Variants in SPECC1 observed in about 807,000 individuals in gnomAD.
SPECC1 encodes the protein cytospin-B.
In SPECC1, 62 loss-of-function variants were observed where a neutral mutation model predicts 104.1. That is an observed-to-expected ratio of 0.60 (90% CI 0.49 to 0.74). SPECC1 has a LOEUF of 0.74. Ranked by LOEUF, SPECC1 falls within the 30% of genes least tolerant of loss-of-function variation. The probability of loss-of-function intolerance (pLI) is 0.00; values close to 1 mark genes in which losing one functional copy is unlikely to be tolerated. For synonymous variants in SPECC1, 513 were observed against 501.6 expected (o/e 1.02, Z -0.30); for missense variants, 1,306 against 1,310.5 (o/e 1.00, Z 0.05).
At chr17:20,106,328 C>G (rs1213450071) in intron 2 of SPECC1, among the ~76,000 whole-genome samples, 2 of 152,068 alleles carry the variant, frequency 1.3e-5, no homozygotes, top group African/African-American at 2.4e-5. Context: ...TACAGGTGAC[C>G]TGATGGATGG....
chr17:20,086,354 C>CACAG (rs748603057), intron 1 of SPECC1, among the ~76,000 whole-genome samples: 1 of 152,182 alleles, frequency 6.6e-6, no homozygotes, highest in African/African-American at 2.4e-5. Context: ...CCTTCACTTC[C>CACAG]ACAGACAGAC....
chr17:20,132,554 G>C (rs1460981100), intron 3 of SPECC1, among the ~76,000 whole-genome samples: 1 of 146,070 alleles, frequency 6.8e-6, no homozygotes, highest in East Asian at 2.0e-4. Flanking sequence ...TTTTTTTTTG[G>C]CTTTTTTTTT....
rs1262343319 is a variant in SPECC1, at chr17:20,204,370, C to T, written c.321C>T (p.Ala107=). 2 of 1,613,518 alleles carry T rather than the reference C, an allele frequency of 1.2e-6. No individual in the cohort carries two copies. The highest frequency in any genetic ancestry group is 2.7e-5 in the African/African-American group (2 of 74,862). The stretch of plus-strand genomic sequence containing the variant: ...CAACTAAACGGACAGGCATTCCAGC[C>T]CCACGGGAATTTTCAGTAACTGTCT... ...FTTTKRTGIP[A]PREFSVTVSR... is the part of the protein sequence containing the mutation. The change falls in exon 4 of 15, where the codon GCC becomes GCT. Residue 107 remains alanine, a synonymous_variant. Transcript: ENST00000395527.
chr17:20,265,577 G>A (rs1006876943), intron 12 of SPECC1, among the ~76,000 whole-genome samples: 5 of 152,130 alleles, frequency 3.3e-5, no homozygotes, highest in African/African-American at 1.2e-4. Context: ...CTTTTGCTGT[G>A]AAGGAACTCT....
intron 1 of SPECC1, among the ~76,000 whole-genome samples, chr17:20,079,422 C>T (rs2046882027): frequency 6.6e-6 from 1 of 152,150 alleles, no homozygotes. Context: ...ACTTCAGCCT[C>T]CTGAGTAGCT....
chr17:20,249,175 T>C (rs2039531421), intron 9 of SPECC1, among the ~76,000 whole-genome samples: 1 of 152,074 alleles, frequency 6.6e-6, no homozygotes, highest in African/African-American at 2.4e-5. Context: ...ATCCTAGCAT[T>C]TTGGGAGGCC....
chr17:20,294,083 G>A (rs1277973066), intron 12 of SPECC1, among the ~76,000 whole-genome samples: 2 of 152,200 alleles, frequency 1.3e-5, no homozygotes, highest in African/African-American at 2.4e-5. Context: ...CCAGGTTCAA[G>A]GCATTTGCCT....
chr17:20,059,176 T>TATAGA (rs1483399766), intron 1 of SPECC1, among the ~76,000 whole-genome samples: 1 of 152,036 alleles, frequency 6.6e-6, no homozygotes, highest in African/African-American at 2.4e-5. Flanking sequence ...TACATTGTAA[T>TATAGA]ATAGAATGAA....
rs2045727574 is a variant in SPECC1, at chr17:20,051,068, T to TTTTCTTTCTTTTTC, written c.-22+41655_-22+41656insTTCTTTCTTTCTTT. Among the ~76,000 whole-genome samples the TTTTCTTTCTTTTTC allele has an allele frequency of 4.4e-5, 4 of 90,772 alleles. No homozygotes were observed. The South Asian group carries it at 1.6e-3, about 37-fold the overall frequency. 59.5% of individuals were successfully genotyped at this position (90,772 alleles called of 152,430 possible). On this transcript the variant is annotated intron_variant, in intron 1 of 14. Coordinates refer to ENST00000395527, the MANE Select transcript of SPECC1 (RefSeq NM_001243439.2). ...CTTGGTTCTTTCTTTCTTTCTTTCT[T>TTTTCTTTCTTTTTC]TTTCTTTCTTTCTTTCTTTCTTTCT...
intron 1 of SPECC1, among the ~76,000 whole-genome samples, chr17:20,078,569 A>G (rs574166882): frequency 1.9e-4 from 29 of 152,334 alleles, no homozygotes; most frequent in Admixed American, 1.8e-3. Context: ...GGAACTGGCA[A>G]TCATAACCAA....
intron 13 of SPECC1, among the ~76,000 whole-genome samples, chr17:20,302,723 G>A (rs951917366): frequency 3.5e-5 from 5 of 141,292 alleles, no homozygotes; most frequent in Admixed American, 2.8e-4. Flanking sequence ...TTTCACAACA[G>A]ATACTGAACA....
chr17:20,200,819 C>G (rs1041027141), intron 3 of SPECC1, among the ~76,000 whole-genome samples: 3 of 150,782 alleles, frequency 2.0e-5, no homozygotes, highest in African/African-American at 4.9e-5. Flanking sequence ...CTAACCTGTG[C>G]TCTGTAACAG....
chr17:20,110,117 G>A (rs1008877458), intron 2 of SPECC1, among the ~76,000 whole-genome samples: 2 of 152,060 alleles, frequency 1.3e-5, no homozygotes, highest in Non-Finnish European at 2.9e-5. Flanking sequence ...GACTACAGTC[G>A]TGAGTCACTG....
intron 1 of SPECC1, among the ~76,000 whole-genome samples, chr17:20,052,488 C>T (rs367600923): frequency 6.6e-6 from 1 of 152,272 alleles, no homozygotes; most frequent in Non-Finnish European, 1.5e-5. Context: ...TTATCTGTCC[C>T]ACATTGAGGA....
At chr17:20,160,967 C>T (rs2033088842) in intron 3 of SPECC1, among the ~76,000 whole-genome samples, 1 of 152,190 alleles carries the variant, frequency 6.6e-6, no homozygotes, top group African/African-American at 2.4e-5. Context: ...CAGAAGTTTA[C>T]TGTAAAAGTC....
chr17:20,311,172 A>C (rs561907092), intron 14 of SPECC1, among the ~76,000 whole-genome samples: 17 of 149,298 alleles, frequency 1.1e-4, no homozygotes, highest in African/African-American at 4.2e-4. Flanking sequence ...CAGTTGTTCA[A>C]TTGGTACATA....
chr17:20,267,226 C>T (rs939469887), intron 12 of SPECC1, among the ~76,000 whole-genome samples: 4 of 152,186 alleles, frequency 2.6e-5, no homozygotes, highest in African/African-American at 9.7e-5. Flanking sequence ...CTCTAAATTA[C>T]TCTCAGTCCT....
intron 4 of SPECC1, among the ~76,000 whole-genome samples, chr17:20,210,094 G>A (rs950451981): frequency 7.2e-5 from 11 of 152,184 alleles, no homozygotes; most frequent in Non-Finnish European, 1.5e-4. Context: ...CTGATTTAGA[G>A]TGGCCAGTGG....
chr17:20,094,453 C>G (rs1392763261), intron 1 of SPECC1, among the ~76,000 whole-genome samples: 4 of 152,146 alleles, frequency 2.6e-5, no homozygotes, highest in Admixed American at 2.6e-4. Context: ...TAACCAAGGA[C>G]TTAGACTCCT....
Sources: allele counts gnomAD v4.1 joint callset (sites outside exome capture counted in the v4.1 genomes callset), GRCh38; gene constraint gnomAD v4.1.1; transcripts MANE v1.5; gene names NCBI Gene and HGNC (gene_info 2026-07-23, HGNC 2026-07-21).